The following CALD1 variants were observed in gnomAD, a reference collection of about 807,000 sequenced individuals.
CALD1 encodes caldesmon.
In CALD1, 33 loss-of-function variants were observed where a neutral mutation model predicts 99.9. That is an observed-to-expected ratio of 0.33 (90% CI 0.25 to 0.44). The LOEUF (loss-of-function observed/expected upper bound fraction) is 0.44. Among genes scored for constraint, CALD1 ranks in the 20% least tolerant of loss-of-function variants. The probability of loss-of-function intolerance (pLI) is 1.00; values close to 1 mark genes in which losing one functional copy is unlikely to be tolerated. For synonymous variants in CALD1, 310 were observed against 325.0 expected (o/e 0.95, Z 0.50); for missense variants, 861 against 962.1 (o/e 0.89, Z 1.39).
intron 3 of CALD1, among the ~76,000 whole-genome samples, chr7:134,905,275 A>G (rs1171235560): frequency 6.6e-6 from 1 of 152,140 alleles, no homozygotes; most frequent in African/African-American, 2.4e-5. Flanking sequence ...AAAAATGGTG[A>G]ACATTCATAT....
intron 3 of CALD1, among the ~76,000 whole-genome samples, chr7:134,897,889 T>C (rs1488373200): frequency 2.0e-5 from 3 of 151,996 alleles, no homozygotes; most frequent in East Asian, 1.9e-4. Flanking sequence ...TGTATTTTTT[T>C]GTAGAGATGG....
chr7:134,818,891 C>A (rs1798662665), intron 1 of CALD1, among the ~76,000 whole-genome samples: 2 of 152,084 alleles, frequency 1.3e-5, no homozygotes, highest in African/African-American at 4.8e-5. Flanking sequence ...CACATGCCAA[C>A]ATTTTTGTTT....
the CALD1 span, among the ~76,000 whole-genome samples, chr7:134,733,251 G>A: frequency 6.6e-6 from 1 of 152,198 alleles, no homozygotes; most frequent in Non-Finnish European, 1.5e-5. Flanking sequence ...AGAGCAAACG[G>A]CAGAGGGGAG....
At chr7:134,731,059 T>G in the CALD1 span, among the ~76,000 whole-genome samples, 2 of 152,082 alleles carry the variant, frequency 1.3e-5, no homozygotes, top group Non-Finnish European at 2.9e-5. Flanking sequence ...ACCTTCCTCC[T>G]CCACAGCTAA....
chr7:134,909,267 G>A (rs1803619410), intron 3 of CALD1, among the ~76,000 whole-genome samples: 1 of 152,218 alleles, frequency 6.6e-6, no homozygotes, highest in Non-Finnish European at 1.5e-5. Context: ...TGCAGTGCCT[G>A]CATGGAGAGA....
At chr7:134,719,064 C>T in the CALD1 span, among the ~76,000 whole-genome samples, 2 of 152,080 alleles carry the variant, frequency 1.3e-5, no homozygotes, top group African/African-American at 4.8e-5. Flanking sequence ...CATTATTTTC[C>T]CCAATATCCT....
intron 3 of CALD1, among the ~76,000 whole-genome samples, chr7:134,919,529 A>G (rs1024844122): frequency 1.3e-5 from 2 of 152,222 alleles, no homozygotes; most frequent in African/African-American, 2.4e-5. Context: ...GAGTACATAC[A>G]TAAGAACACT....
intron 4 of CALD1, among the ~76,000 whole-genome samples, chr7:134,929,397 C>T (rs927237626): frequency 1.3e-5 from 2 of 151,360 alleles, no homozygotes; most frequent in Non-Finnish European, 2.9e-5. Context: ...TCACACCCTC[C>T]TACCTTTCTC....
At chr7:134,851,661 C>T (rs1800087776) in intron 2 of CALD1, among the ~76,000 whole-genome samples, 1 of 152,118 alleles carries the variant, frequency 6.6e-6, no homozygotes, top group Non-Finnish European at 1.5e-5. Flanking sequence ...CACTGTCATC[C>T]ATGCTTAGCC....
chr7:134,760,061 T>C (rs939420741), intron 1 of CALD1, among the ~76,000 whole-genome samples: 2 of 152,098 alleles, frequency 1.3e-5, no homozygotes, highest in Non-Finnish European at 2.9e-5. Context: ...GGAAAGAAGA[T>C]GGAGGGCTGG....
chr7:134,809,078 C>T lies in CALD1; in HGVS notation c.-130+29329C>T, dbSNP rs184205613. On this transcript the variant is annotated intron_variant, in intron 1 of 14. Transcript: ENST00000361675. ...ATTTACTAAGGAAAGAATATGAAGG[C>T]TAGAATCCATGAGGATTTTATATTC... Among the ~76,000 whole-genome samples the T allele has an allele frequency of 1.1e-4, 16 of 152,232 alleles. No individual in the cohort carries two copies. In the East Asian group the frequency reaches 2.7e-3, roughly 26 times the overall value.
intron 1 of CALD1, among the ~76,000 whole-genome samples, chr7:134,803,003 C>G (rs1007160171): frequency 6.6e-6 from 1 of 152,168 alleles, no homozygotes; most frequent in Non-Finnish European, 1.5e-5. Context: ...TTAACACTTA[C>G]AAGCAATAAA....
intron 3 of CALD1, among the ~76,000 whole-genome samples, chr7:134,871,826 C>A (rs550449004): frequency 1.3e-5 from 2 of 152,160 alleles, no homozygotes; most frequent in African/African-American, 4.8e-5. Flanking sequence ...TACTTTTACC[C>A]GGTGTTATAA....
chr7:134,794,960 C>T (rs149176613), intron 1 of CALD1, among the ~76,000 whole-genome samples: 129 of 152,324 alleles, frequency 8.5e-4, no homozygotes, highest in African/African-American at 2.9e-3. Context: ...GCCTGAAACT[C>T]CTTCCCAACT....
intron 1 of CALD1, among the ~76,000 whole-genome samples, chr7:134,756,879 T>C (rs1585899561): frequency 6.6e-6 from 1 of 152,344 alleles, no homozygotes; most frequent in Admixed American, 6.5e-5. Flanking sequence ...AATAGCACAG[T>C]TTGACAAATA....
At chr7:134,716,962 G>A in the CALD1 span, among the ~76,000 whole-genome samples, 3 of 152,108 alleles carry the variant, frequency 2.0e-5, no homozygotes, top group Non-Finnish European at 4.4e-5. Context: ...AATATAACAA[G>A]GTTTGACCAC....
At chr7:134,913,670 A>G (rs867318523) in intron 3 of CALD1, among the ~76,000 whole-genome samples, 3 of 135,198 alleles carry the variant, frequency 2.2e-5, no homozygotes, top group African/African-American at 7.4e-5. Flanking sequence ...GGCTTAGATC[A>G]TGGATCACCA....
chr7:134,955,270 G>T (rs183202550), intron 9 of CALD1, among the ~76,000 whole-genome samples: 2 of 152,230 alleles, frequency 1.3e-5, no homozygotes, highest in African/African-American at 4.8e-5. Context: ...CGCATCTGTA[G>T]TCCCAGCTAC....
At chr7:134,898,296 G>A (rs1455334200) in intron 3 of CALD1, among the ~76,000 whole-genome samples, 1 of 152,146 alleles carries the variant, frequency 6.6e-6, no homozygotes, top group Non-Finnish European at 1.5e-5. Context: ...ATTAAAGTGT[G>A]CAGAAAAATA....
Sources: allele counts gnomAD v4.1 joint callset (sites outside exome capture counted in the v4.1 genomes callset), GRCh38; gene constraint gnomAD v4.1.1; transcripts MANE v1.5; gene names NCBI Gene and HGNC (gene_info 2026-07-23, HGNC 2026-07-21).